Variants in VRK2 observed in about 807,000 individuals in gnomAD.
VRK2 encodes the protein VRK serine/threonine kinase 2, also known as serine/threonine-protein kinase VRK2.
VRK2 carries 60 observed loss-of-function variants against 57.6 expected under a neutral mutation model. The ratio of observed to expected loss-of-function variants is 1.04; its 90% CI spans 0.85 to 1.29. The LOEUF (loss-of-function observed/expected upper bound fraction) is 1.29, where lower values mean the gene tolerates loss of function less well. VRK2 is among the 50% of genes most tolerant of loss of function. The pLI is 0.00. For synonymous variants in VRK2, 231 were observed against 199.2 expected (o/e 1.16, Z -1.35); for missense variants, 705 against 588.1 (o/e 1.20, Z -2.06).
chr2:57,996,230 G>A (rs549420153), intron 1 of VRK2, among the ~76,000 whole-genome samples: 34 of 152,300 alleles, frequency 2.2e-4, no homozygotes, highest in African/African-American at 8.2e-4. Flanking sequence ...ATCTCTTGCA[G>A]AAACCGAGGG....
chr2:58,062,110 TC>T (rs1367935678), intron 2 of VRK2, among the ~76,000 whole-genome samples: 1 of 152,068 alleles, frequency 6.6e-6, no homozygotes, highest in African/African-American at 2.4e-5. Context: ...CACATTTTGG[TC>T]ATTTTGACAA....
chr2:58,069,351 T>C (rs886946002), intron 2 of VRK2, among the ~76,000 whole-genome samples: 3 of 152,284 alleles, frequency 2.0e-5, no homozygotes, highest in African/African-American at 7.2e-5. Flanking sequence ...TGCTGTTTAA[T>C]GTTAGCTCCA....
intron 5 of VRK2, among the ~76,000 whole-genome samples, chr2:58,087,592 T>TG (rs766817541): frequency 2.6e-5 from 4 of 152,000 alleles, no homozygotes; most frequent in Non-Finnish European, 1.5e-5. Context: ...AAAGAAGGTA[T>TG]GGAAGGTGCC....
At chr2:57,930,127 C>T (rs1483365160) in intron 1 of VRK2, among the ~76,000 whole-genome samples, 1 of 152,166 alleles carries the variant, frequency 6.6e-6, no homozygotes, top group Non-Finnish European at 1.5e-5. Context: ...AGCACAGCAC[C>T]AGGACTTGCC....
intron 12 of VRK2, among the ~76,000 whole-genome samples, chr2:58,148,686 A>G (rs1386844672): frequency 1.3e-5 from 2 of 151,728 alleles, no homozygotes; most frequent in Non-Finnish European, 3.0e-5. Context: ...GCCATCTCAA[A>G]TCAATTCATG....
chr2:58,067,795 C>G (rs894852273), intron 2 of VRK2, among the ~76,000 whole-genome samples: 1 of 152,142 alleles, frequency 6.6e-6, no homozygotes, highest in African/African-American at 2.4e-5. Flanking sequence ...GACACACAAT[C>G]TATTACATTT....
intron 2 of VRK2, among the ~76,000 whole-genome samples, chr2:58,054,911 A>G (rs2103835453): frequency 6.6e-6 from 1 of 152,290 alleles, no homozygotes; most frequent in South Asian, 2.1e-4. Flanking sequence ...TTTCAAGATA[A>G]TTGTTGAGGA....
chr2:57,989,026 G>A (rs1391807881), intron 1 of VRK2, among the ~76,000 whole-genome samples: 1 of 152,058 alleles, frequency 6.6e-6, no homozygotes. Flanking sequence ...GCAAACAGAG[G>A]GAATTTTTCC....
intron 1 of VRK2, among the ~76,000 whole-genome samples, chr2:57,953,918 T>A (rs1484471226): frequency 6.6e-6 from 1 of 152,148 alleles, no homozygotes; most frequent in Non-Finnish European, 1.5e-5. Flanking sequence ...AAGTTAATAA[T>A]AGATAATATT....
At chr2:58,049,022 A>G (rs1675306083) in intron 2 of VRK2, 55 bp downstream of exon 2, 1 of 1,567,192 alleles carries the variant, frequency 6.4e-7, no homozygotes, top group South Asian at 1.2e-5. Context: ...TGTAACCGTG[A>G]TTACTTAGTG....
At chr2:58,146,507 C>T (rs370690167) in intron 12 of VRK2, 33 bp downstream of exon 12, 1 of 1,587,966 alleles carries the variant, frequency 6.3e-7, no homozygotes, top group Non-Finnish European at 8.6e-7. Flanking sequence ...TTTTTTCTAA[C>T]TTAATGTTAC....
At chr2:58,084,266 T>C (rs2104152461) in intron 3 of VRK2, 128 bp downstream of exon 3, 1 of 975,772 alleles carries the variant, frequency 1.0e-6, no homozygotes. Context: ...TCATCTGTTT[T>C]GACGTTGTTA....
intron 12 of VRK2, among the ~76,000 whole-genome samples, chr2:58,148,524 A>G (rs1361986040): frequency 2.0e-5 from 3 of 151,736 alleles, no homozygotes; most frequent in African/African-American, 4.8e-5. Flanking sequence ...TTGAAGTTCA[A>G]TTTATCAATA....
chr2:57,947,363 A>G (rs189852229), intron 1 of VRK2, among the ~76,000 whole-genome samples: 1 of 152,332 alleles, frequency 6.6e-6, no homozygotes, highest in East Asian at 1.9e-4. Context: ...TTTTAAATTT[A>G]CACATGCACA....
chr2:58,086,965 C>T (rs536613371), intron 5 of VRK2, among the ~76,000 whole-genome samples: 1 of 152,290 alleles, frequency 6.6e-6, no homozygotes, highest in African/African-American at 2.4e-5. Context: ...AAGCTAGTCA[C>T]TAGATAGATC....
intron 2 of VRK2, chr2:58,025,910 T>C (rs1362473412): frequency 1.3e-5 from 2 of 152,206 alleles, no homozygotes; most frequent in East Asian, 3.8e-4. Context: ...ATACTCCTAG[T>C]TTCTTTTCAT....
chr2:58,032,584 A>T (rs73942281), intron 2 of VRK2, among the ~76,000 whole-genome samples: 3,920 of 150,526 alleles, frequency 0.026, 166 homozygotes, highest in African/African-American at 0.092. Flanking sequence ...TCCTTTCTCA[A>T]TTGTACCTCT....
chr2:58,013,729 G>T (rs1290694295), intron 1 of VRK2, among the ~76,000 whole-genome samples: 1 of 151,394 alleles, frequency 6.6e-6, no homozygotes, highest in South Asian at 2.1e-4. Context: ...CGCAGTGGCG[G>T]GCGCCTGTAG....
At chr2:58,080,636 T>A (rs532942557) in intron 2 of VRK2, among the ~76,000 whole-genome samples, 8 of 152,010 alleles carry the variant, frequency 5.3e-5, no homozygotes, top group African/African-American at 1.9e-4. Flanking sequence ...TCTTTTTTCC[T>A]GAGATTTATT....
Sources: gnomAD v4.1 joint callset for allele counts (sites outside exome capture counted in the v4.1 genomes callset) on GRCh38, gnomAD v4.1.1 for gene constraint, MANE v1.5 for transcripts, NCBI Gene and HGNC (gene_info 2026-07-23, HGNC 2026-07-21) for gene names.